DOCK9: variants seen among roughly 807,000 people sequenced by gnomAD.
DOCK9 encodes dedicator of cytokinesis protein 9.
Under a neutral mutation model 263.3 loss-of-function variants are expected in DOCK9, and 89 were observed. That is an observed-to-expected ratio of 0.34 (90% CI 0.28 to 0.40). The LOEUF is 0.40. Among genes scored for constraint, DOCK9 ranks in the 10% least tolerant of loss-of-function variants. The probability of loss-of-function intolerance (pLI) is 1.00; values close to 1 mark genes in which losing one functional copy is unlikely to be tolerated. For missense variants in DOCK9, 2,140 were observed against 2,603.4 expected (o/e 0.82, Z 3.87); for synonymous variants, 976 against 973.1 (o/e 1.00, Z -0.06).
In DOCK9 at chr13:98,829,787, T is replaced by C; in HGVS notation, c.4636-31A>G. On this transcript the variant is annotated intron_variant, in intron 41 of 52. Transcript: ENST00000682017. The surrounding 1 kb of genome is among the most constrained non-coding windows in gnomAD (Gnocchi z 4.1). ...GGACACACAAACATGAGCAAATCAA[T>C]TTACCTTCAAATGACTGCCCAGGCT... 6.4e-7 allele frequency: 1 copy of C among 1,552,416 alleles called. No individual in the cohort carries two copies. Among genetic ancestry groups the C allele is most frequent in the South Asian group, 1.2e-5 (1 of 85,114 alleles).
chr13:98,872,070 T>C (rs1413421876), intron 27 of DOCK9: 1 of 152,518 alleles, frequency 6.6e-6, no homozygotes, highest in Non-Finnish European at 1.5e-5. Context: ...GGTCATCTGC[T>C]CTCCCACAGC....
rs374463236 is a variant in DOCK9 at position 98,883,073 on chromosome 13, G to C, written c.2528C>G (p.Ala843Gly). ...YCQKTESGAQ[A>G]LGNELVKYLK... ...GTACTTTACAAGTTCGTTTCCTAAG[G>C]CTTGGGCTCCAGATTCGGTTTTCTG... Residue 843 changes from alanine to glycine, a missense_variant, in exon 23 of 53, where the codon GCC becomes GGC. Around this residue, in one of 2 missense-constraint regions of DOCK9, gnomAD observed 1,521 missense variants for 1,741.7 expected, o/e 0.87. Coordinates refer to ENST00000682017, the MANE Select transcript of DOCK9 (RefSeq NM_001366683.2). 1 of 1,613,788 alleles carries C rather than the reference G, an allele frequency of 6.2e-7. No homozygotes were observed. The highest frequency in any genetic ancestry group is 1.3e-5 in the African/African-American group (1 of 74,914).
chr13:98,835,782 C>CT (rs1282271887), intron 39 of DOCK9, among the ~76,000 whole-genome samples: 1 of 136,546 alleles, frequency 7.3e-6, no homozygotes, highest in Non-Finnish European at 1.5e-5. Flanking sequence ...GCTCTGTTGC[C>CT]AGGCTGGAGT....
At chr13:98,929,177 C>T (rs1279377920) in intron 3 of DOCK9, among the ~76,000 whole-genome samples, 1 of 152,116 alleles carries the variant, frequency 6.6e-6, no homozygotes, top group African/African-American at 2.4e-5. Flanking sequence ...TTCCTTCCTA[C>T]CTAAAATTAC....
At chr13:99,086,154 C>G in intron 1 of DOCK9, 2 of 1,407,144 alleles carry the variant, frequency 1.4e-6, no homozygotes, top group South Asian at 2.9e-5. Context: ...TAAGAGGCGC[C>G]CGGCCCGGGG....
At chr13:99,032,618 T>C (rs7327021) in intron 1 of DOCK9, among the ~76,000 whole-genome samples, 20 of 151,034 alleles carry the variant, frequency 1.3e-4, no homozygotes, top group East Asian at 3.9e-4. Context: ...TATTAATTTA[T>C]ATGACATAAA....
At chr13:98,849,112 A>ATT (rs34509819) in intron 36 of DOCK9, among the ~76,000 whole-genome samples, 1 of 151,476 alleles carries the variant, frequency 6.6e-6, no homozygotes, top group African/African-American at 2.4e-5. Flanking sequence ...ATCTAACAAC[A>ATT]TTTTTTTTTA....
In DOCK9 at chr13:98,879,905, T is replaced by C. The variant is rs373463948; in HGVS notation, c.2936A>G (p.Lys979Arg). The C allele has an allele frequency of 4.4e-6, 7 of 1,606,694 alleles. No homozygotes were observed. In the African/African-American group the frequency reaches 5.4e-5, roughly 12 times the overall value. ...CCACTTGAAGTAACATACCTTAACT[T>C]TGGAGTTCTCTATCAAATGCTGAGC... is the stretch of plus-strand genomic sequence containing the variant. ...SMAQHLIENSKVKLLRNQRFP... is the reference protein window; with the variant it reads ...SMAQHLIENSRVKLLRNQRFP... Residue 979 changes from lysine to arginine, a missense_variant, in exon 27 of 53, where the codon AAA becomes AGA. By Grantham distance (26) the Lys-to-Arg change is conservative. Coordinates refer to ENST00000682017, the MANE Select transcript of DOCK9 (RefSeq NM_001366683.2).
At chr13:98,966,177 T>A (rs1871497697) in intron 1 of DOCK9, among the ~76,000 whole-genome samples, 2 of 152,234 alleles carry the variant, frequency 1.3e-5, no homozygotes, top group Non-Finnish European at 2.9e-5. Flanking sequence ...ACTTCCTCCA[T>A]GTCCTGTGCC....
At chr13:98,842,259 C>G (rs983968411) in intron 38 of DOCK9, among the ~76,000 whole-genome samples, 1 of 152,200 alleles carries the variant, frequency 6.6e-6, no homozygotes, top group Non-Finnish European at 1.5e-5. Context: ...TGGGCCTCCT[C>G]CAGTCTGTTT....
chr13:99,086,318 C>T, exon 1 of DOCK9: 1 of 1,476,436 alleles, frequency 6.8e-7, no homozygotes, highest in Non-Finnish European at 8.9e-7. Flanking sequence ...TTCCGAGTCT[C>T]CGCCGAGGCG....
intron 2 of DOCK9, among the ~76,000 whole-genome samples, chr13:98,952,151 G>T (rs2057510791): frequency 6.6e-6 from 1 of 151,732 alleles, no homozygotes; most frequent in Non-Finnish European, 1.5e-5. Flanking sequence ...ACCTGCCTCG[G>T]ACTCCCAATG....
chr13:99,087,416 C>T (rs1175230086), upstream of DOCK9, among the ~76,000 whole-genome samples: 5 of 152,254 alleles, frequency 3.3e-5, no homozygotes, highest in Non-Finnish European at 1.5e-5. Flanking sequence ...GACACGGCGG[C>T]CCTCACTGGG....
chr13:98,797,186 C>T lies in DOCK9; in HGVS notation c.6085G>A (p.Glu2029Lys), dbSNP rs1329575302. 15 of 1,613,820 alleles carry T rather than the reference C, an allele frequency of 9.3e-6. No homozygotes were observed. Among genetic ancestry groups the T allele is most frequent in the Middle Eastern group, 1.6e-4 (1 of 6,084 alleles). ...TTGGCTTTCATTTCTTCCTGATACT[C>T]GAGCTGGTCTTCTTTAATCAGACGT... is the stretch of plus-strand genomic sequence containing the variant. ...NERLIKEDQL[E>K]YQEEMKANYR... Residue 2029 changes from glutamate (E) to lysine (K), a missense_variant, in exon 52 of 53, where the codon GAG becomes AAG. This residue lies in a region of DOCK9 where 619 missense variants were observed against 861.8 expected (regional missense o/e 0.72). Transcript: ENST00000682017.
Position 98,800,459 on chromosome 13 carries a change from A to G in DOCK9, c.5745T>C (p.Tyr1915=), listed in dbSNP as rs753657883. Residue 1915 remains tyrosine, a synonymous_variant, in exon 50 of 53, where the codon TAT becomes TAC. Transcript: ENST00000682017. ...ACATGACAGGGATGCGCTTCTTCAC[A>G]TAAGGGAAGCAGTGTATGGCTGCAG... ...TILTAIHCFP[Y]VKKRIPVMYQ... is the part of the protein sequence containing the mutation. 5.6e-6 allele frequency: 9 copies of G among 1,614,014 alleles called. No individual in the cohort carries two copies. The highest frequency in any genetic ancestry group is 3.3e-4 in the Middle Eastern group (2 of 6,062).
chr13:98,913,778 G>A (rs1057334043), intron 9 of DOCK9, among the ~76,000 whole-genome samples: 1 of 152,164 alleles, frequency 6.6e-6, no homozygotes, highest in Non-Finnish European at 1.5e-5. Context: ...TTTAATCTGG[G>A]AAGTAGCAGT....
At chr13:98,833,766 C>T (rs1215323902) in intron 39 of DOCK9, among the ~76,000 whole-genome samples, 2 of 152,168 alleles carry the variant, frequency 1.3e-5, no homozygotes, top group Non-Finnish European at 2.9e-5. Flanking sequence ...TAACTACTTG[C>T]TTTTATTTTC....
chr13:99,086,482 C>A (rs1321435338), exon 1 of DOCK9: 24 of 509,182 alleles, frequency 4.7e-5, no homozygotes, highest in Middle Eastern at 1.9e-3. Flanking sequence ...CTGCTCCCCC[C>A]GCTGCTCGCC....
Position 98,829,256 on chromosome 13 carries a change from G to T in DOCK9, c.4965+51C>A. The T allele has an allele frequency of 6.6e-7, 1 of 1,509,422 alleles. No individual in the cohort carries two copies. Among genetic ancestry groups the T allele is most frequent in the Non-Finnish European group, 9.0e-7 (1 of 1,108,706 alleles). 93.5% of individuals were successfully genotyped at this position (1,509,422 alleles called of 1,614,324 possible). On this transcript the variant is annotated intron_variant, in intron 43 of 52. Coordinates refer to ENST00000682017, the MANE Select transcript of DOCK9 (RefSeq NM_001366683.2). This position sits in a 1 kb window ranked among gnomAD's most constrained non-coding sequence, Gnocchi z 4.1. The stretch of plus-strand genomic sequence containing the variant: ...AAAACTGGCTTTTTAAGTGAATGGG[G>T]CCTCACTGGTTTTTTCAAAAACCCA...
Sources: allele counts gnomAD v4.1 joint callset (sites outside exome capture counted in the v4.1 genomes callset), GRCh38; gene constraint gnomAD v4.1.1; regional missense constraint gnomAD v4.1.1; non-coding constraint Gnocchi (gnomAD v3.1); transcripts MANE v1.5; gene names NCBI Gene and HGNC (gene_info 2026-07-23, HGNC 2026-07-21).